The following FXR1 variants were observed in gnomAD, a reference collection of about 807,000 sequenced individuals.
FXR1 encodes the protein RNA-binding protein FXR1.
In FXR1, 15 loss-of-function variants were observed where a neutral mutation model predicts 84.0. The ratio of observed to expected loss-of-function variants is 0.18; its 90% confidence interval spans 0.12 to 0.27. FXR1 has a LOEUF of 0.27. Ranked by LOEUF, FXR1 falls within the 10% of genes least tolerant of loss-of-function variation. FXR1 has a pLI of 1.00. For missense variants in FXR1, 480 were observed against 774.4 expected (o/e 0.62, Z 4.51); for synonymous variants, 245 against 250.7 (o/e 0.98, Z 0.21).
intron 13 of FXR1, among the ~76,000 whole-genome samples, chr3:180,965,814 C>T (rs1305162036): frequency 6.6e-6 from 1 of 152,060 alleles, no homozygotes; most frequent in African/African-American, 2.4e-5. Flanking sequence ...GGGGGTACGG[C>T]CTCAATATCT....
intron 1 of FXR1, among the ~76,000 whole-genome samples, chr3:180,928,723 G>A (rs1212232569): frequency 6.6e-6 from 1 of 152,016 alleles, no homozygotes; most frequent in Admixed American, 6.6e-5. Flanking sequence ...ACAGCTGCCT[G>A]TTGTTTACAT....
intron 1 of FXR1, among the ~76,000 whole-genome samples, chr3:180,918,096 C>G (rs972506167): frequency 6.6e-6 from 1 of 152,056 alleles, no homozygotes; most frequent in African/African-American, 2.4e-5. Flanking sequence ...TGTCAAGGCC[C>G]TGGCTTTAAA....
chr3:180,940,588 T>C (rs953842460), intron 3 of FXR1, among the ~76,000 whole-genome samples: 1 of 151,784 alleles, frequency 6.6e-6, no homozygotes, highest in African/African-American at 2.4e-5. Flanking sequence ...CTGTTTTCTT[T>C]TTTTTTTGGA....
At chr3:180,971,152 C>T in intron 15 of FXR1, 1 of 1,248,162 alleles carries the variant, frequency 8.0e-7, no homozygotes, top group Non-Finnish European at 1.0e-6. Context: ...AGATAGACAG[C>T]CAGGTAACTT....
intron 1 of FXR1, among the ~76,000 whole-genome samples, chr3:180,921,797 C>T (rs1353749935): frequency 6.6e-6 from 1 of 151,466 alleles, no homozygotes; most frequent in Non-Finnish European, 1.5e-5. Context: ...TTTACACACA[C>T]GTAAGTATGA....
chr3:180,951,202 G>C, intron 7 of FXR1, 96 bp from the exon 8 acceptor site: 1 of 697,260 alleles, frequency 1.4e-6, no homozygotes, highest in East Asian at 2.7e-5. Flanking sequence ...TAGCCTTGGT[G>C]ACAGAGTGAG....
chr3:180,979,595 A>G lies in FXR1; in HGVS notation c.*3303A>G, dbSNP rs1451320294. 4.0e-5 allele frequency: 6 copies of G among 151,690 alleles called. No homozygotes were observed. Among genetic ancestry groups the G allele is most frequent in the African/African-American group, 1.5e-4 (6 of 41,308 alleles). The allele number at this position is 151,690 out of a possible 1,614,324, so 9.4% of individuals were successfully genotyped here. On this transcript the variant is annotated 3_prime_UTR_variant, in exon 17 of 17. Transcript: ENST00000357559. ...GTTCTTTATTAGAACGTGTACTTGA[A>G]TGGACTGTAGTTGCTCATAACCCAT...
At chr3:180,934,496 A>G (rs1205673004) in intron 2 of FXR1, among the ~76,000 whole-genome samples, 2 of 152,236 alleles carry the variant, frequency 1.3e-5, no homozygotes, top group East Asian at 1.9e-4. Context: ...GGTTTAATAC[A>G]TTCGTATTTG....
intron 3 of FXR1, among the ~76,000 whole-genome samples, chr3:180,936,336 C>G (rs1341150083): frequency 2.0e-5 from 3 of 152,068 alleles, no homozygotes; most frequent in African/African-American, 7.2e-5. Flanking sequence ...GGAGCAATCT[C>G]AGTTCACTCC....
rs1052264399 is a variant in FXR1 at position 180,980,920 on chromosome 3, A to G, written c.*4628A>G. 8.0e-5 allele frequency: 12 copies of G among 150,348 alleles called. No homozygotes were observed. The East Asian group carries it at 2.1e-3, about 27-fold the overall frequency. 9.3% of individuals were successfully genotyped at this position (150,348 alleles called of 1,614,324 possible). On this transcript the variant is annotated 3_prime_UTR_variant, in exon 17 of 17. Coordinates refer to ENST00000357559, the MANE Select transcript of FXR1 (RefSeq NM_005087.4). The stretch of plus-strand genomic sequence containing the variant: ...AACCAAAAACCTAGGAGAGCATTCT[A>G]CATTGTAATTTTTTTTTTACTTTGT...
At chr3:180,949,833 T>C (rs1576959231) in intron 7 of FXR1, among the ~76,000 whole-genome samples, 1 of 152,362 alleles carries the variant, frequency 6.6e-6, no homozygotes, top group Non-Finnish European at 1.5e-5. Flanking sequence ...GCGAAATGCC[T>C]GTTGACTTGT....
intron 1 of FXR1, chr3:180,915,657 C>T (rs1461431760): frequency 4.2e-6 from 3 of 706,956 alleles, no homozygotes; most frequent in East Asian, 2.7e-5. Flanking sequence ...CTTTTTTCCC[C>T]TCCTCTTACC....
chr3:180,970,560 T>C (rs759693013), intron 15 of FXR1: 19 of 166,258 alleles, frequency 1.1e-4, no homozygotes, highest in East Asian at 3.2e-4. Flanking sequence ...AGATTTGTTA[T>C]AGCCAAATTA....
intron 3 of FXR1, among the ~76,000 whole-genome samples, chr3:180,942,402 AAAAG>A (rs1334309132): frequency 6.6e-6 from 1 of 151,250 alleles, no homozygotes; most frequent in Admixed American, 6.6e-5. Flanking sequence ...AAAAAAAAAA[AAAAG>A]GCATAGGTTG....
At chr3:180,924,926 AT>A (rs1478072628) in intron 1 of FXR1, among the ~76,000 whole-genome samples, 1 of 152,226 alleles carries the variant, frequency 6.6e-6, no homozygotes, top group Non-Finnish European at 1.5e-5. Flanking sequence ...TTATTGAAAA[AT>A]ATCCTAACAG....
intron 1 of FXR1, among the ~76,000 whole-genome samples, chr3:180,915,852 C>T (rs1230018303): frequency 6.6e-6 from 1 of 152,134 alleles, no homozygotes; most frequent in Non-Finnish European, 1.5e-5. Context: ...AATATTTTAC[C>T]TAAAATTAGG....
At chr3:180,933,982 G>C (rs1028885174) in intron 2 of FXR1, among the ~76,000 whole-genome samples, 3 of 152,038 alleles carry the variant, frequency 2.0e-5, no homozygotes, top group Non-Finnish European at 4.4e-5. Flanking sequence ...TCATGGTGGG[G>C]GGGCGCCTGT....
At chr3:180,926,883 A>G (rs1041675998) in intron 1 of FXR1, among the ~76,000 whole-genome samples, 2 of 152,048 alleles carry the variant, frequency 1.3e-5, no homozygotes, top group Admixed American at 1.3e-4. Context: ...CAGTCAAAGG[A>G]ATTTTTCTAG....
chr3:180,940,060 A>G lies in FXR1; in HGVS notation c.198+4829A>G, dbSNP rs137870372. On this transcript the variant is annotated intron_variant, in intron 3 of 16. Transcript: ENST00000357559. Reference sequence around the variant, plus strand: ...CTTTCTAGCCCCTTAGGAAATTTACATGAAGTTACAGCACATAAAGTAATG... The same window carrying G: ...CTTTCTAGCCCCTTAGGAAATTTACGTGAAGTTACAGCACATAAAGTAATG... Among the ~76,000 whole-genome samples, 7 of 152,346 alleles carry G rather than the reference A, an allele frequency of 4.6e-5. No homozygotes were observed. The East Asian group carries it at 1.3e-3, about 29-fold the overall frequency.
Sources: allele counts gnomAD v4.1 joint callset (sites outside exome capture counted in the v4.1 genomes callset), GRCh38; gene constraint gnomAD v4.1.1; transcripts MANE v1.5; gene names NCBI Gene and HGNC (gene_info 2026-07-23, HGNC 2026-07-21).